The following CDH18 variants were observed in gnomAD, a reference collection of about 807,000 sequenced individuals.
The protein encoded by CDH18 is cadherin 18, also known as cadherin-18.
A neutral mutation model predicts 67.9 loss-of-function variants in CDH18; 31 were observed. The observed-to-expected ratio is 0.46, with a 90% CI of 0.34 to 0.62. CDH18 has a LOEUF of 0.62. Ranked by LOEUF, CDH18 falls within the 20% of genes least tolerant of loss-of-function variation. The pLI is 0.01. For synonymous variants in CDH18, 362 were observed against 347.2 expected, an observed-to-expected ratio of 1.04 and a Z score of -0.48; for missense variants, 890 against 975.5, an observed-to-expected ratio of 0.91 and a Z score of 1.17.
chr5:19,705,549 T>C (rs979519156), intron 5 of CDH18, among the ~76,000 whole-genome samples: 8 of 152,134 alleles, frequency 5.3e-5, no homozygotes, highest in Non-Finnish European at 1.0e-4. Flanking sequence ...AAGACTCAAA[T>C]AGATAAAATA....
chr5:19,623,628 A>C (rs1005298359), intron 5 of CDH18, among the ~76,000 whole-genome samples: 2 of 152,094 alleles, frequency 1.3e-5, no homozygotes, highest in African/African-American at 4.8e-5. Flanking sequence ...TGAGTTCAAA[A>C]GATGAGATGC....
At position 19,756,879 on chromosome 5, in the gene CDH18, C is replaced by T. The variant is rs115157726; in HGVS notation, c.229-9643G>A. The stretch of plus-strand genomic sequence containing the variant: ...ACTTATGCTTCTATTCCTTGATTCC[C>T]GGATCCATGAATCTTCGCTATGGGA... On this transcript the variant is annotated intron_variant, in intron 3 of 12. Transcript: ENST00000382275. Among the ~76,000 whole-genome samples, 51 of 152,242 alleles carry T rather than the reference C, an allele frequency of 3.3e-4. 1 individual carries two copies. Among genetic ancestry groups the T allele is most frequent in the Admixed American group, 2.7e-3 (41 of 15,288 alleles).
chr5:20,475,103 T>G (rs930234327), intron 1 of CDH18, among the ~76,000 whole-genome samples: 6 of 152,200 alleles, frequency 3.9e-5, no homozygotes, highest in African/African-American at 1.4e-4. Context: ...ATTAAAATTC[T>G]AATTATACTA....
chr5:20,399,566 A>G (rs1745584319), intron 1 of CDH18, among the ~76,000 whole-genome samples: 1 of 152,140 alleles, frequency 6.6e-6, no homozygotes, highest in African/African-American at 2.4e-5. Context: ...CTGAAAAGCC[A>G]CTCCATCTTT....
intron 2 of CDH18, among the ~76,000 whole-genome samples, chr5:20,174,168 T>C (rs1216735497): frequency 6.6e-6 from 1 of 152,206 alleles, no homozygotes; most frequent in Non-Finnish European, 1.5e-5. Flanking sequence ...GGAATTCTAA[T>C]AGATTAACAA....
intron 2 of CDH18, among the ~76,000 whole-genome samples, chr5:19,966,320 A>T (rs952968427): frequency 6.6e-6 from 1 of 152,242 alleles, no homozygotes; most frequent in Middle Eastern, 3.4e-3. Flanking sequence ...TCACAATTTC[A>T]TGGATATTAG....
intron 10 of CDH18, among the ~76,000 whole-genome samples, chr5:19,518,068 G>T (rs943231415): frequency 6.6e-6 from 1 of 151,710 alleles, no homozygotes; most frequent in African/African-American, 2.4e-5. Flanking sequence ...ATTTTTAATA[G>T]AATTGAAATA....
chr5:20,164,917 A>C (rs1736173073), intron 2 of CDH18, among the ~76,000 whole-genome samples: 1 of 152,104 alleles, frequency 6.6e-6, no homozygotes, highest in African/African-American at 2.4e-5. Context: ...CACCATTCTT[A>C]TTTGCAGGTG....
chr5:19,937,131 T>C (rs1485939711), intron 2 of CDH18, among the ~76,000 whole-genome samples: 1 of 151,436 alleles, frequency 6.6e-6, no homozygotes, highest in Non-Finnish European at 1.5e-5. Flanking sequence ...AAAATTATTA[T>C]ATCCTTCATG....
Position 19,657,105 on chromosome 5 carries a change from T to A in CDH18, c.644-44504A>T, listed in dbSNP as rs1485899406. On this transcript the variant is annotated intron_variant, in intron 5 of 12. Coordinates refer to ENST00000382275, the MANE Select transcript of CDH18 (RefSeq NM_004934.5). ...TTAGGACAGTGCTAATCATTTCTTG[T>A]AACATTTATAAAATCTAATCAGAAT... Among the ~76,000 whole-genome samples the A allele has an allele frequency of 2.6e-5, 4 of 152,154 alleles. No individual in the cohort carries two copies. The East Asian group carries it at 7.7e-4, about 29-fold the overall frequency.
chr5:19,911,578 T>C (rs1400195137), intron 2 of CDH18, among the ~76,000 whole-genome samples: 1 of 151,798 alleles, frequency 6.6e-6, no homozygotes, highest in Non-Finnish European at 1.5e-5. Flanking sequence ...AGTTCCCAAA[T>C]AGAAAGAGGA....
intron 12 of CDH18, chr5:19,478,371 G>A (rs1343742312): frequency 6.6e-6 from 1 of 152,186 alleles, no homozygotes; most frequent in Admixed American, 6.5e-5. Flanking sequence ...GAGTCAGGGA[G>A]GTTATTTTTA....
At chr5:20,137,779 G>C (rs939194226) in intron 2 of CDH18, among the ~76,000 whole-genome samples, 7 of 151,968 alleles carry the variant, frequency 4.6e-5, no homozygotes, top group African/African-American at 1.7e-4. Context: ...TGGTGTGGAT[G>C]TCCTTTATAT....
chr5:19,870,596 C>T (rs1284067859), intron 2 of CDH18, among the ~76,000 whole-genome samples: 1 of 152,050 alleles, frequency 6.6e-6, no homozygotes, highest in Non-Finnish European at 1.5e-5. Context: ...TGGAGCCACA[C>T]CTCCCCTGAG....
chr5:20,387,928 T>G (rs1051638531), intron 1 of CDH18, among the ~76,000 whole-genome samples: 1 of 152,260 alleles, frequency 6.6e-6, no homozygotes, highest in East Asian at 1.9e-4. Flanking sequence ...CACTTGATCA[T>G]GGTGGATAAG....
chr5:20,338,316 C>T (rs968391411), intron 1 of CDH18, among the ~76,000 whole-genome samples: 1 of 152,228 alleles, frequency 6.6e-6, no homozygotes, highest in African/African-American at 2.4e-5. Flanking sequence ...CCTCTCTTTA[C>T]AATGTCTGCC....
intron 2 of CDH18, among the ~76,000 whole-genome samples, chr5:20,114,002 T>G (rs1747689567): frequency 6.6e-6 from 1 of 152,224 alleles, no homozygotes; most frequent in Non-Finnish European, 1.5e-5. Flanking sequence ...GATTGCTGCC[T>G]GAAATTTCAT....
At chr5:19,750,760 GC>G (rs55950427) in intron 3 of CDH18, among the ~76,000 whole-genome samples, 8,262 of 137,474 alleles carry the variant, frequency 0.06, 823 homozygotes, top group African/African-American at 0.22. Context: ...ATACAGTGAA[GC>G]CCCCCCCCCC....
chr5:20,194,800 G>C (rs1035221447), intron 2 of CDH18, among the ~76,000 whole-genome samples: 2 of 151,718 alleles, frequency 1.3e-5, no homozygotes, highest in Admixed American at 6.6e-5. Flanking sequence ...TTCCTCCCTC[G>C]TTACCCTTAC....
Sources: allele counts gnomAD v4.1 joint callset (sites outside exome capture counted in the v4.1 genomes callset), GRCh38; gene constraint gnomAD v4.1.1; transcripts MANE v1.5; gene names NCBI Gene and HGNC (gene_info 2026-07-23, HGNC 2026-07-21).